Variants in HECW1 observed in about 807,000 individuals in gnomAD.
The protein encoded by HECW1 is E3 ubiquitin-protein ligase HECW1.
In HECW1, 61 loss-of-function variants were observed where a neutral mutation model predicts 182.3. That is an observed-to-expected ratio of 0.33 (90% CI 0.27 to 0.41). HECW1 has a LOEUF of 0.41. Among genes scored for constraint, HECW1 ranks in the 10% least tolerant of loss-of-function variants. The pLI is 1.00. For synonymous variants in HECW1, 859 were observed against 832.6 expected (o/e 1.03, Z -0.55); for missense variants, 1,739 against 2,108.9 (o/e 0.82, Z 3.44).
At chr7:43,132,359 A>G (rs1213677745) in intron 2 of HECW1, among the ~76,000 whole-genome samples, 2 of 152,214 alleles carry the variant, frequency 1.3e-5, no homozygotes, top group African/African-American at 4.8e-5. Flanking sequence ...CACACTTACT[A>G]ATAGGGACAA....
Position 43,432,783 on chromosome 7 carries a change from A to G in HECW1, c.802-5220A>G. On this transcript the variant is annotated intron_variant, in intron 8 of 29. Transcript: ENST00000395891. This position sits in a 1 kb window ranked among gnomAD's most constrained non-coding sequence, Gnocchi z 4.1. ...CTGCTACCAGTTTACATAATTGCCAATTAAATATTTCCTTTAGTTAGTTAC... is the reference window on the plus strand; with the variant it reads ...CTGCTACCAGTTTACATAATTGCCAGTTAAATATTTCCTTTAGTTAGTTAC... Among the ~76,000 whole-genome samples the G allele has an allele frequency of 6.6e-6, 1 of 152,254 alleles. No homozygotes were observed. Among genetic ancestry groups the G allele is most frequent in the East Asian group, 1.9e-4 (1 of 5,208 alleles).
chr7:43,317,487 C>G (rs1258349152), intron 4 of HECW1, among the ~76,000 whole-genome samples: 2 of 152,222 alleles, frequency 1.3e-5, no homozygotes, highest in Non-Finnish European at 2.9e-5. Flanking sequence ...CTTCTCCAGC[C>G]CTGAATTCCC....
Position 43,184,066 on chromosome 7 carries a change from T to C in HECW1, c.-31-59809T>C, listed in dbSNP as rs191820731. Among the ~76,000 whole-genome samples, 999 of 152,164 alleles carry C rather than the reference T, an allele frequency of 6.6e-3. 4 individuals are homozygous for C. The highest frequency in any genetic ancestry group is 0.021 in the African/African-American group (871 of 41,486). On this transcript the variant is annotated intron_variant, in intron 2 of 29. Coordinates refer to ENST00000395891, the MANE Select transcript of HECW1 (RefSeq NM_015052.5). ...TCTCGCTCTGTTGCCCAGGCTGGAT[T>C]GCAGTGGCTAGATCTTGGCTCACTG...
Position 43,500,707 on chromosome 7 carries a change from T to C in HECW1, c.3446T>C (p.Ile1149Thr). 6.2e-7 allele frequency: 1 copy of C among 1,613,320 alleles called. No individual in the cohort carries two copies. Residue 1149 changes from isoleucine to threonine, a missense_variant, in exon 20 of 30, where the codon ATC (isoleucine) becomes ACC (threonine). By Grantham distance (89) the Ile-to-Thr change is moderately conservative. This residue lies in a region of HECW1 where 420 missense variants were observed against 595.7 expected (regional missense o/e 0.71). Transcript: ENST00000395891. ...LARNHTLREK[I>T]HYIRTEGNHG... ...TTTCTCACATGATTCAGGGAGAAAA[T>C]CCATTACATTCGGACTGAGGGTAAT...
chr7:43,421,336 AATTC>A (rs943595919), intron 8 of HECW1, among the ~76,000 whole-genome samples: 1 of 152,252 alleles, frequency 6.6e-6, no homozygotes, highest in African/African-American at 2.4e-5. Flanking sequence ...TAAAGCTTCT[AATTC>A]ATAAGAAAAC....
intron 3 of HECW1, among the ~76,000 whole-genome samples, chr7:43,293,565 G>A (rs1402950263): frequency 7.9e-5 from 12 of 152,138 alleles, no homozygotes; most frequent in Admixed American, 7.9e-4. Context: ...TAGGTTCCCT[G>A]TCTCCAGACC....
Position 43,114,291 on chromosome 7 carries a change from C to A in HECW1, c.-132C>A. 1 of 1,363,888 alleles carries A rather than the reference C, an allele frequency of 7.3e-7. No individual in the cohort carries two copies. Among genetic ancestry groups the A allele is most frequent in the African/African-American group, 1.4e-5 (1 of 69,456 alleles). 84.5% of individuals were successfully genotyped at this position (1,363,888 alleles called of 1,614,324 possible). Reference sequence around the variant, plus strand: ...CAGATGCCCTACCCGAAAAGGCCAACCGTTAAAGACCCCGGCAGTGTTGTG... The same window carrying A: ...CAGATGCCCTACCCGAAAAGGCCAAACGTTAAAGACCCCGGCAGTGTTGTG... On this transcript the variant is annotated 5_prime_UTR_variant, in exon 2 of 30. Coordinates refer to ENST00000395891, the MANE Select transcript of HECW1 (RefSeq NM_015052.5).
intron 3 of HECW1, among the ~76,000 whole-genome samples, chr7:43,287,842 TG>T (rs1804857178): frequency 6.6e-6 from 1 of 152,200 alleles, no homozygotes; most frequent in African/African-American, 2.4e-5. Context: ...ATTTCAGCAT[TG>T]GCTGGATTGT....
intron 6 of HECW1, chr7:43,377,823 A>C (rs1394344685): frequency 1.0e-5 from 2 of 200,194 alleles, no homozygotes; most frequent in Non-Finnish European, 2.1e-5. Flanking sequence ...GATCCTGGGG[A>C]CTTTCTTATG....
chr7:43,361,464 A>G (rs1231423706), intron 6 of HECW1, among the ~76,000 whole-genome samples: 3 of 152,170 alleles, frequency 2.0e-5, no homozygotes, highest in Non-Finnish European at 4.4e-5. Context: ...AAAGACCAGA[A>G]TCTCTCACCC....
chr7:43,542,096 C>T, intron 26 of HECW1, 98 bp downstream of exon 26: 2 of 1,027,498 alleles, frequency 1.9e-6, no homozygotes, highest in Middle Eastern at 2.8e-4. Flanking sequence ...TAAGTGTAGA[C>T]TTCAGTGCTT....
At chr7:43,497,475 A>G (rs1188168026) in intron 19 of HECW1, among the ~76,000 whole-genome samples, 1 of 152,178 alleles carries the variant, frequency 6.6e-6, no homozygotes, top group Non-Finnish European at 1.5e-5. Context: ...CACAGATGCA[A>G]TCATATTTCA....
At chr7:43,164,527 C>T (rs544035753) in intron 2 of HECW1, among the ~76,000 whole-genome samples, 1 of 152,344 alleles carries the variant, frequency 6.6e-6, no homozygotes. Flanking sequence ...CCAGACTCCC[C>T]TCAGTGCACC....
In HECW1 at chr7:43,531,283, C is replaced by T. The variant is rs10268328; in HGVS notation, c.4020-9880C>T. Among the ~76,000 whole-genome samples the T allele has an allele frequency of 8.9e-3, 1,356 of 152,338 alleles. 16 individuals carry two copies. The highest frequency in any genetic ancestry group is 0.031 in the African/African-American group (1,283 of 41,578). On this transcript the variant is annotated intron_variant, in intron 24 of 29. Transcript: ENST00000395891. ...TGGATTTAACCCCGCCAGAGCCAAG[C>T]TATGCTTCCTCCCCGGAGTTTTCAC...
intron 2 of HECW1, among the ~76,000 whole-genome samples, chr7:43,193,751 A>C (rs1794167019): frequency 6.6e-6 from 1 of 151,700 alleles, no homozygotes; most frequent in Non-Finnish European, 1.5e-5. Context: ...TTATTATTTT[A>C]GAGAGACAGT....
At chr7:43,519,578 G>T (rs112356805) in intron 24 of HECW1, among the ~76,000 whole-genome samples, 1 of 152,068 alleles carries the variant, frequency 6.6e-6, no homozygotes, top group Admixed American at 6.6e-5. Flanking sequence ...CTGGACTGCC[G>T]CACAAAACAC....
At chr7:43,371,970 C>T (rs1584669532) in intron 6 of HECW1, among the ~76,000 whole-genome samples, 1 of 152,240 alleles carries the variant, frequency 6.6e-6, no homozygotes, top group South Asian at 2.1e-4. Flanking sequence ...CAGGTGCCCA[C>T]CACCACGCCC....
At chr7:43,221,850 A>G (rs1044672002) in intron 2 of HECW1, among the ~76,000 whole-genome samples, 1 of 152,100 alleles carries the variant, frequency 6.6e-6, no homozygotes, top group African/African-American at 2.4e-5. Flanking sequence ...CAGCAGGGTT[A>G]GTTTTTAATT....
chr7:43,369,695 A>C (rs1404289751), intron 6 of HECW1, among the ~76,000 whole-genome samples: 1 of 149,756 alleles, frequency 6.7e-6, no homozygotes, highest in African/African-American at 2.5e-5. Flanking sequence ...CCTAGAAAAA[A>C]GAGGACGTGA....
Sources: allele counts gnomAD v4.1 joint callset (sites outside exome capture counted in the v4.1 genomes callset), GRCh38; gene constraint gnomAD v4.1.1; regional missense constraint gnomAD v4.1.1; non-coding constraint Gnocchi (gnomAD v3.1); transcripts MANE v1.5; gene names NCBI Gene and HGNC (gene_info 2026-07-23, HGNC 2026-07-21).